The following DNAH9 variants were observed in gnomAD, a reference collection of about 807,000 sequenced individuals.
DNAH9 encodes DNAH9 variant protein.
Under a neutral mutation model 471.6 loss-of-function variants are expected in DNAH9, and 345 were observed. The ratio of observed to expected loss-of-function variants is 0.73; its 90% CI spans 0.67 to 0.80. DNAH9 has a LOEUF of 0.80. DNAH9 is among the 30% of genes least tolerant of loss of function. The probability of loss-of-function intolerance (pLI) is 0.00; values close to 1 mark genes in which losing one functional copy is unlikely to be tolerated. For missense variants in DNAH9, 5,407 were observed against 5,609.2 expected (o/e 0.96, Z 1.15); for synonymous variants, 2,093 against 2,123.6 (o/e 0.99, Z 0.40).
chr17:11,629,668 T>A, intron 7 of DNAH9, 84 bp downstream of exon 7: 2 of 1,258,808 alleles, frequency 1.6e-6, no homozygotes, highest in Non-Finnish European at 2.2e-6. Flanking sequence ...TTACTTGCAT[T>A]TTCCCTGTGT....
At chr17:11,791,794 T>C (rs1969076102) in intron 41 of DNAH9, among the ~76,000 whole-genome samples, 1 of 152,136 alleles carries the variant, frequency 6.6e-6, no homozygotes, top group African/African-American at 2.4e-5. Flanking sequence ...GTGAGGCACA[T>C]GGGAGGGAAT....
At chr17:11,830,368 G>A (rs1158103984) in intron 48 of DNAH9, among the ~76,000 whole-genome samples, 1 of 152,114 alleles carries the variant, frequency 6.6e-6, no homozygotes, top group East Asian at 1.9e-4. Flanking sequence ...AGACCTCAAG[G>A]CCATTGCCAA....
At chr17:11,683,420 CCTTGGCCTCCCAA>C (rs1209422960) in intron 19 of DNAH9, among the ~76,000 whole-genome samples, 1 of 152,190 alleles carries the variant, frequency 6.6e-6, no homozygotes, top group Non-Finnish European at 1.5e-5. Context: ...GATCCTCCCA[CCTTGGCCTCCCAA>C]AGTGCTGGGA....
chr17:11,897,005 G>T lies in DNAH9; in HGVS notation c.11406+2509G>T, dbSNP rs113039510. On this transcript the variant is annotated intron_variant, in intron 59 of 68. Coordinates refer to ENST00000262442, the MANE Select transcript of DNAH9 (RefSeq NM_001372.4). ...CTTGGGAGGCTGAGGCTGGAGAATG[G>T]GTTGAACCTGGGAGGTGGAGGTTGA... Among the ~76,000 whole-genome samples, 2 of 152,286 alleles carry T rather than the reference G, an allele frequency of 1.3e-5. 1 individual carries two copies. Among genetic ancestry groups the T allele is most frequent in the African/African-American group, 4.8e-5 (2 of 41,572 alleles).
At chr17:11,650,139 C>T (rs2073475202) in intron 12 of DNAH9, among the ~76,000 whole-genome samples, 1 of 152,112 alleles carries the variant, frequency 6.6e-6, no homozygotes, top group South Asian at 2.1e-4. Context: ...GAGTCCATTT[C>T]CCCACAAAAT....
chr17:11,752,845 C>T lies in DNAH9; in HGVS notation c.6623C>T (p.Ser2208Phe). 2 of 1,592,134 alleles carry T rather than the reference C, an allele frequency of 1.3e-6. No homozygotes were observed. Among genetic ancestry groups the T allele is most frequent in the South Asian group, 1.1e-5 (1 of 87,086 alleles). The change falls in exon 33 of 69, where the codon TCC (serine) becomes TTC (phenylalanine). Residue 2208 changes from serine to phenylalanine, a missense_variant. By Grantham distance (155) the Ser-to-Phe change is radical. Around this residue, in one of 3 missense-constraint regions of DNAH9, gnomAD observed 4,636 missense variants for 4,900.3 expected, o/e 0.95. Coordinates refer to ENST00000262442, the MANE Select transcript of DNAH9 (RefSeq NM_001372.4). ...TGGTTCCTTTTAGGATTGTTCTCTT[C>T]CATCATGCGGGAGCTTGCCAACATC... Reference protein sequence around the residue: ...TGEWKDGLFSSIMRELANITH... With the variant: ...TGEWKDGLFSFIMRELANITH...
At chr17:11,611,558 G>T (rs1250796372) in intron 3 of DNAH9, 92 bp from the exon 4 acceptor site, 4 of 1,328,924 alleles carry the variant, frequency 3.0e-6, no homozygotes, top group South Asian at 1.3e-5. Flanking sequence ...CCGAGGCAGG[G>T]CTCCTCTCTT....
At chr17:11,613,273 G>T (rs2072674569) in intron 4 of DNAH9, among the ~76,000 whole-genome samples, 1 of 152,110 alleles carries the variant, frequency 6.6e-6, no homozygotes, top group South Asian at 2.1e-4. Flanking sequence ...CCCAGAAGTG[G>T]TATGTGTATC....
intron 50 of DNAH9, among the ~76,000 whole-genome samples, chr17:11,860,872 T>C (rs1263653160): frequency 6.6e-6 from 1 of 152,126 alleles, no homozygotes; most frequent in Non-Finnish European, 1.5e-5. Context: ...GAACACTGAA[T>C]GTTTTATGCT....
chr17:11,913,670 T>C (rs940023954), intron 61 of DNAH9, among the ~76,000 whole-genome samples: 1 of 151,454 alleles, frequency 6.6e-6, no homozygotes, highest in African/African-American at 2.4e-5. Context: ...TAGTCCCAGC[T>C]ACTCAGGAGG....
chr17:11,742,042 CA>C (rs2075440345), intron 29 of DNAH9, 132 bp from the exon 30 acceptor site: 1 of 719,106 alleles, frequency 1.4e-6, no homozygotes, highest in African/African-American at 1.8e-5. Flanking sequence ...AATAATGGCT[CA>C]GGTCTTTCCA....
In DNAH9 at chr17:11,932,322, A is replaced by G. The variant is rs1463789046; in HGVS notation, c.12297+117A>G. ...GGCCTGAGAATGTGCATTTCTAACA[A>G]GCTCCCTCGTGATGCAGATGCTGCT... On this transcript the variant is annotated intron_variant, in intron 64 of 68. Transcript: ENST00000262442. This position sits in a 1 kb window ranked among gnomAD's most constrained non-coding sequence, Gnocchi z 4.3. 1.9e-6 allele frequency: 2 copies of G among 1,065,008 alleles called. No individual in the cohort carries two copies. The highest frequency in any genetic ancestry group is 2.7e-6 in the Non-Finnish European group (2 of 753,998). The allele number at this position is 1,065,008 out of a possible 1,614,324, so 66.0% of individuals were successfully genotyped here.
rs1190436158 is a variant in DNAH9, at chr17:11,937,472, C to T, written c.12610C>T (p.Pro4204Ser). Residue 4204 changes from proline to serine, a missense_variant, in exon 66 of 69, where the codon CCT becomes TCT. Pro to Ser is a moderately conservative substitution (Grantham distance 74). Around this residue, in one of 3 missense-constraint regions of DNAH9, gnomAD observed 4,636 missense variants for 4,900.3 expected, o/e 0.95. Transcript: ENST00000262442. The surrounding 1 kb of genome is among the most constrained non-coding windows in gnomAD (Gnocchi z 4.1). ...KLFRTVLELQ[P>S]RDSQARDGAG... is the part of the protein sequence containing the mutation. ...CTTCCGCACTGTGCTGGAGCTGCAG[C>T]CTCGGGACAGCCAGGCCAGAGACGG... 1.2e-6 allele frequency: 2 copies of T among 1,613,888 alleles called. No homozygotes were observed. Among genetic ancestry groups the T allele is most frequent in the Non-Finnish European group, 1.7e-6 (2 of 1,179,830 alleles).
rs145792851 is a variant in DNAH9 at position 11,688,082 on chromosome 17, C to CAAAAAA, written c.3744-1471_3744-1466dup. On this transcript the variant is annotated intron_variant, in intron 19 of 68. Coordinates refer to ENST00000262442, the MANE Select transcript of DNAH9 (RefSeq NM_001372.4). ...CCGGGAGGCGGAGATTGCAGTAAGC[C>CAAAAAA]AAAAAAAAAAAAAAAAAAGAAAAAG... Among the ~76,000 whole-genome samples, 23 of 59,662 alleles carry CAAAAAA rather than the reference C, an allele frequency of 3.9e-4. 4 individuals are homozygous for CAAAAAA. Among genetic ancestry groups the CAAAAAA allele is most frequent in the African/African-American group, 8.6e-4 (13 of 15,112 alleles). The allele number at this position is 59,662 out of a possible 152,430, so 39.1% of individuals were successfully genotyped here.
chr17:11,952,666 C>A (rs923912897), intron 67 of DNAH9, among the ~76,000 whole-genome samples: 1 of 152,080 alleles, frequency 6.6e-6, no homozygotes, highest in Non-Finnish European at 1.5e-5. Flanking sequence ...AATACTTCAT[C>A]CTGCCCCTAA....
chr17:11,901,405 T>C (rs1973408894), intron 59 of DNAH9, among the ~76,000 whole-genome samples: 1 of 152,078 alleles, frequency 6.6e-6, no homozygotes, highest in African/African-American at 2.4e-5. Context: ...TAAAACACAC[T>C]AACACTGGGG....
chr17:11,665,140 A>G (rs550663697), intron 15 of DNAH9, among the ~76,000 whole-genome samples, 172 bp downstream of exon 15: 48 of 152,378 alleles, frequency 3.2e-4, no homozygotes, highest in African/African-American at 8.7e-4. Flanking sequence ...TAAATTGTTC[A>G]AAGACAAAAG....
chr17:11,714,546 C>A (rs919021769), intron 26 of DNAH9, among the ~76,000 whole-genome samples: 5 of 152,020 alleles, frequency 3.3e-5, no homozygotes, highest in African/African-American at 4.8e-5. Context: ...CTCTAAGGAC[C>A]CTCACCCTTC....
chr17:11,819,919 T>G (rs1381749636), intron 45 of DNAH9, among the ~76,000 whole-genome samples: 2 of 152,208 alleles, frequency 1.3e-5, no homozygotes, highest in African/African-American at 4.8e-5. Flanking sequence ...TCCTTAACCT[T>G]AAACATTTTA....
Sources: gnomAD v4.1 joint callset for allele counts (sites outside exome capture counted in the v4.1 genomes callset) on GRCh38, gnomAD v4.1.1 for gene constraint, gnomAD v4.1.1 regional missense constraint, Gnocchi (gnomAD v3.1) non-coding constraint, MANE v1.5 for transcripts, NCBI Gene and HGNC (gene_info 2026-07-23, HGNC 2026-07-21) for gene names.